The following GPHN variants were observed in gnomAD, a reference collection of about 807,000 sequenced individuals.
The protein encoded by GPHN is gephyrin.
Under a neutral mutation model 95.5 loss-of-function variants are expected in GPHN, and 17 were observed. The observed-to-expected ratio is 0.18, with a 90% CI of 0.12 to 0.27. The LOEUF (loss-of-function observed/expected upper bound fraction) is 0.27, where lower values mean the gene tolerates loss of function less well. GPHN is among the 10% of genes least tolerant of loss of function. The pLI is 1.00. For missense variants in GPHN, 660 were observed against 978.1 expected (o/e 0.67, Z 4.34); for synonymous variants, 320 against 322.5 (o/e 0.99, Z 0.08).
At chr14:66,978,675 A>T (rs1426717532) in intron 9 of GPHN, among the ~76,000 whole-genome samples, 2 of 152,176 alleles carry the variant, frequency 1.3e-5, no homozygotes, top group African/African-American at 4.8e-5. Flanking sequence ...ATATGGTTGG[A>T]ATCAACTTCT....
chr14:67,239,285 C>T, the GPHN span, among the ~76,000 whole-genome samples: 8 of 152,242 alleles, frequency 5.3e-5, no homozygotes, highest in East Asian at 1.5e-3. Context: ...ATCTGCAGTC[C>T]TTACCTGAAG....
intron 8 of GPHN, among the ~76,000 whole-genome samples, chr14:66,957,814 G>A (rs529217077): frequency 1.6e-4 from 25 of 152,240 alleles, no homozygotes; most frequent in East Asian, 7.7e-4. Flanking sequence ...GAGCAGCAGC[G>A]GGCAAGCAAG....
chr14:67,279,153 A>G, the GPHN span: 1 of 1,536,432 alleles, frequency 6.5e-7, no homozygotes, highest in Non-Finnish European at 8.7e-7. Context: ...AAAGTGGTAC[A>G]GGTTTTCATA....
intron 10 of GPHN, among the ~76,000 whole-genome samples, chr14:67,056,603 C>T (rs1176989454): frequency 6.6e-6 from 1 of 152,264 alleles, no homozygotes; most frequent in African/African-American, 2.4e-5. Context: ...CATATACAAT[C>T]CTCCAGCTAG....
the GPHN span, among the ~76,000 whole-genome samples, chr14:67,539,223 C>G: frequency 6.6e-6 from 1 of 152,144 alleles, no homozygotes; most frequent in African/African-American, 2.4e-5. Flanking sequence ...GAGAGCCTTA[C>G]AAGGTTCTGT....
At chr14:67,410,660 A>T in the GPHN span, among the ~76,000 whole-genome samples, 10 of 152,216 alleles carry the variant, frequency 6.6e-5, no homozygotes, top group African/African-American at 2.2e-4. Context: ...TTTGTGGGGA[A>T]AATGAAAGTG....
At chr14:67,389,546 A>T in the GPHN span, among the ~76,000 whole-genome samples, 1 of 152,118 alleles carries the variant, frequency 6.6e-6, no homozygotes, top group Non-Finnish European at 1.5e-5. Flanking sequence ...CACTGTTTCC[A>T]TCTATGTATG....
At chr14:66,835,802 A>G (rs1316472045) in intron 4 of GPHN, among the ~76,000 whole-genome samples, 1 of 152,034 alleles carries the variant, frequency 6.6e-6, no homozygotes, top group Non-Finnish European at 1.5e-5. Flanking sequence ...TACACCAACA[A>G]CAGACAGAGA....
the GPHN span, among the ~76,000 whole-genome samples, chr14:67,403,225 G>A: frequency 6.6e-6 from 1 of 152,128 alleles, no homozygotes; most frequent in Non-Finnish European, 1.5e-5. Context: ...GTCTTCTTTC[G>A]AGAAATGTCT....
intron 18 of GPHN, among the ~76,000 whole-genome samples, chr14:67,158,167 C>T (rs1381771673): frequency 4.0e-5 from 6 of 151,126 alleles, no homozygotes; most frequent in African/African-American, 1.5e-4. Flanking sequence ...ATTAGCTGGG[C>T]GTAGTGGTGC....
At chr14:66,754,475 C>A (rs2058489479) in intron 2 of GPHN, among the ~76,000 whole-genome samples, 1 of 151,916 alleles carries the variant, frequency 6.6e-6, no homozygotes, top group Non-Finnish European at 1.5e-5. Context: ...AAATGTACTT[C>A]TCTCTATAGT....
intron 4 of GPHN, among the ~76,000 whole-genome samples, chr14:66,859,156 G>T (rs2062922629): frequency 6.6e-6 from 1 of 152,132 alleles, no homozygotes; most frequent in Admixed American, 6.6e-5. Flanking sequence ...TGCCTTGATT[G>T]AACATAGACA....
the GPHN span, among the ~76,000 whole-genome samples, chr14:67,680,770 A>C: frequency 6.6e-6 from 1 of 152,220 alleles, no homozygotes; most frequent in East Asian, 1.9e-4. Flanking sequence ...AGTAAGAGCT[A>C]GTTAAGTGTG....
chr14:66,686,606 C>G (rs1002876652), intron 2 of GPHN, among the ~76,000 whole-genome samples: 3 of 152,144 alleles, frequency 2.0e-5, no homozygotes, highest in Non-Finnish European at 2.9e-5. Context: ...ATTTTATGTC[C>G]TGAGACTTTG....
the GPHN span, among the ~76,000 whole-genome samples, chr14:67,342,423 T>C: frequency 1.3e-5 from 2 of 151,416 alleles, no homozygotes; most frequent in Admixed American, 1.3e-4. Context: ...ATTTTAAATA[T>C]AGTAGCAATC....
intron 10 of GPHN, among the ~76,000 whole-genome samples, chr14:67,049,213 T>C (rs2075181973): frequency 6.7e-6 from 1 of 150,042 alleles, no homozygotes; most frequent in African/African-American, 2.5e-5. Context: ...TGATTAAGTT[T>C]GTTGTTGTTG....
the GPHN span, among the ~76,000 whole-genome samples, chr14:67,689,736 G>A: frequency 6.6e-6 from 1 of 152,084 alleles, no homozygotes; most frequent in Non-Finnish European, 1.5e-5. Flanking sequence ...CTGAGGTCAC[G>A]AGTTCAAGAC....
chr14:66,800,342 C>T (rs144234868), intron 3 of GPHN, among the ~76,000 whole-genome samples: 32 of 151,996 alleles, frequency 2.1e-4, no homozygotes, highest in East Asian at 1.2e-3. Context: ...TTTTTCTGAT[C>T]GAAGTACTTC....
intron 3 of GPHN, among the ~76,000 whole-genome samples, chr14:66,823,809 T>C (rs977954581): frequency 1.3e-5 from 2 of 152,218 alleles, no homozygotes; most frequent in African/African-American, 4.8e-5. Flanking sequence ...AATTAAATGA[T>C]GAAATTCTAT....
Sources: gnomAD v4.1 joint callset for allele counts (sites outside exome capture counted in the v4.1 genomes callset) on GRCh38, gnomAD v4.1.1 for gene constraint, MANE v1.5 for transcripts, NCBI Gene and HGNC (gene_info 2026-07-23, HGNC 2026-07-21) for gene names.